Variants in ADCY8 observed in about 807,000 individuals in gnomAD.
ADCY8 encodes adenylate cyclase type 8.
In ADCY8, 51 loss-of-function variants were observed where a neutral mutation model predicts 119.7. The observed-to-expected ratio is 0.43, with a 90% confidence interval of 0.34 to 0.54. The LOEUF is 0.54. ADCY8 is among the 20% of genes least tolerant of loss of function. The pLI, the probability that ADCY8 is intolerant of heterozygous loss-of-function variation, is 0.03. For missense variants in ADCY8, 1,383 were observed against 1,598.8 expected (o/e 0.87, Z 2.30); for synonymous variants, 665 against 651.0 (o/e 1.02, Z -0.33).
rs2917057 is a variant in ADCY8 at position 130,881,679 on chromosome 8, G to A, written c.2109+2885C>T. ...TAAGATATATATTCTTAATAAAAAT[G>A]TTCAATTTTCCTTAAAATGTACACC... On this transcript the variant is annotated intron_variant, in intron 8 of 17. Coordinates refer to ENST00000286355, the MANE Select transcript of ADCY8 (RefSeq NM_001115.3). Among the ~76,000 whole-genome samples, 476 of 152,098 alleles carry A rather than the reference G, an allele frequency of 3.1e-3. 17 individuals carry two copies. In the East Asian group the frequency reaches 0.083, roughly 26 times the overall value.
At chr8:131,019,619 A>G (rs933701066) in intron 1 of ADCY8, among the ~76,000 whole-genome samples, 41 of 152,338 alleles carry the variant, frequency 2.7e-4, no homozygotes, top group Non-Finnish European at 5.6e-4. Context: ...TCCTATTGCC[A>G]TACATACAAG....
chr8:131,001,085 G>GCA (rs948396340), intron 1 of ADCY8, among the ~76,000 whole-genome samples: 1 of 152,134 alleles, frequency 6.6e-6, no homozygotes, highest in African/African-American at 2.4e-5. Context: ...GTGTTCTCAA[G>GCA]CACACCATAA....
intron 9 of ADCY8, among the ~76,000 whole-genome samples, chr8:130,858,607 AG>A (rs542495991): frequency 1.2e-4 from 19 of 152,054 alleles, no homozygotes; most frequent in Non-Finnish European, 2.5e-4. Context: ...CCCTGTACAT[AG>A]TTTACTCTTT....
Position 131,031,109 on chromosome 8 carries a change from T to C in ADCY8, c.960+8265A>G, listed in dbSNP as rs180888406. 8.5e-5 allele frequency among the ~76,000 whole-genome samples: 13 copies of C among 152,112 alleles called. 1 individual carries two copies. The East Asian group carries it at 1.9e-3, about 23-fold the overall frequency. On this transcript the variant is annotated intron_variant, in intron 1 of 17. Transcript: ENST00000286355. Reference sequence around the variant, plus strand: ...AGGAATATATATGTATATATCTCCCTACATAGGATATTCCTATATATCTAT... The same window carrying C: ...AGGAATATATATGTATATATCTCCCCACATAGGATATTCCTATATATCTAT...
chr8:130,798,779 TTGA>T (rs1414996917), intron 15 of ADCY8, among the ~76,000 whole-genome samples: 1 of 152,062 alleles, frequency 6.6e-6, no homozygotes, highest in Non-Finnish European at 1.5e-5. Flanking sequence ...ATTAAGAAAG[TTGA>T]TGAGATGTCT....
intron 8 of ADCY8, among the ~76,000 whole-genome samples, chr8:130,874,410 T>G (rs1818485095): frequency 6.6e-6 from 1 of 152,100 alleles, no homozygotes; most frequent in South Asian, 2.1e-4. Flanking sequence ...TTTCAGTAAT[T>G]TTTGAATTTC....
At chr8:130,924,407 G>A (rs1820401104) in intron 5 of ADCY8, among the ~76,000 whole-genome samples, 1 of 152,192 alleles carries the variant, frequency 6.6e-6, no homozygotes, top group Non-Finnish European at 1.5e-5. Flanking sequence ...TAAGGGGACT[G>A]ACGCCCTTTG....
intron 2 of ADCY8, among the ~76,000 whole-genome samples, chr8:130,984,078 G>A (rs1822320744): frequency 6.6e-6 from 1 of 152,188 alleles, no homozygotes; most frequent in African/African-American, 2.4e-5. Context: ...CCTATCAGGG[G>A]TAGGGGACAG....
At chr8:131,002,046 AAC>A (rs1822967260) in intron 1 of ADCY8, among the ~76,000 whole-genome samples, 2 of 152,228 alleles carry the variant, frequency 1.3e-5, no homozygotes, top group Non-Finnish European at 2.9e-5. Context: ...CATAGAGCTT[AAC>A]AGTTTAGCTT....
At position 130,869,921 on chromosome 8, in the gene ADCY8, T is replaced by TTCCTCC. The variant is rs142256411; in HGVS notation, c.2110-1981_2110-1976dup. 1.5e-4 allele frequency among the ~76,000 whole-genome samples: 22 copies of TTCCTCC among 147,424 alleles called. No homozygotes were observed. The South Asian group carries it at 2.4e-3, about 16-fold the overall frequency. ...AGTGTAGTTAATCAGTACACTAAAA[T>TTCCTCC]TCCTCCTCCTCCTCCTCCTCTTCTT... is the stretch of plus-strand genomic sequence containing the variant. On this transcript the variant is annotated intron_variant, in intron 8 of 17. Coordinates refer to ENST00000286355, the MANE Select transcript of ADCY8 (RefSeq NM_001115.3).
intron 5 of ADCY8, among the ~76,000 whole-genome samples, chr8:130,931,380 C>T (rs917647218): frequency 6.6e-6 from 1 of 152,052 alleles, no homozygotes; most frequent in Non-Finnish European, 1.5e-5. Context: ...TTCTTTTTGT[C>T]TTTGATTTTA....
intron 1 of ADCY8, among the ~76,000 whole-genome samples, chr8:130,994,255 C>T (rs978561441): frequency 8.5e-5 from 13 of 152,366 alleles, no homozygotes; most frequent in African/African-American, 2.6e-4. Flanking sequence ...GTGGGCTTTA[C>T]ATCTTCAACA....
intron 1 of ADCY8, among the ~76,000 whole-genome samples, chr8:130,996,142 G>A (rs1822765476): frequency 6.6e-6 from 1 of 151,908 alleles, no homozygotes; most frequent in South Asian, 2.1e-4. Context: ...ATGCATGAGA[G>A]CTAGAAAAGA....
At chr8:131,015,141 T>A (rs1056398814) in intron 1 of ADCY8, among the ~76,000 whole-genome samples, 1 of 152,170 alleles carries the variant, frequency 6.6e-6, no homozygotes, top group African/African-American at 2.4e-5. Flanking sequence ...TTCAATTTGG[T>A]GAGAGCAGGA....
At chr8:130,984,322 T>C (rs1409276568) in intron 2 of ADCY8, among the ~76,000 whole-genome samples, 1 of 152,122 alleles carries the variant, frequency 6.6e-6, no homozygotes, top group Non-Finnish European at 1.5e-5. Context: ...AGAATGTATA[T>C]ACAATGACTT....
At position 130,780,376 on chromosome 8, in the gene ADCY8, G is replaced by C; in HGVS notation, c.*14C>G. The C allele has an allele frequency of 8.0e-7, 1 of 1,247,210 alleles. No individual in the cohort carries two copies. The highest frequency in any genetic ancestry group is 1.0e-6 in the Non-Finnish European group (1 of 960,204). 77.3% of individuals were successfully genotyped at this position (1,247,210 alleles called of 1,614,324 possible). A position where few individuals can be genotyped will look rare whatever the true frequency, so the allele number is the denominator to read the frequency against. On this transcript the variant is annotated 3_prime_UTR_variant, in exon 18 of 18. Coordinates refer to ENST00000286355, the MANE Select transcript of ADCY8 (RefSeq NM_001115.3). Reference sequence around the variant, plus strand: ...AAAAGAAATACAAAAAAAAAAAACAGAAAGAAAATGCTTTTATGGCAAATC... The same window carrying C: ...AAAAGAAATACAAAAAAAAAAAACACAAAGAAAATGCTTTTATGGCAAATC...
chr8:130,872,994 A>G (rs1818421770), intron 8 of ADCY8, among the ~76,000 whole-genome samples: 1 of 152,244 alleles, frequency 6.6e-6, no homozygotes, highest in African/African-American at 2.4e-5. Context: ...GGGTTTTTAG[A>G]TCCACCACAA....
At chr8:130,941,633 T>A (rs543185481) in intron 4 of ADCY8, among the ~76,000 whole-genome samples, 2 of 152,098 alleles carry the variant, frequency 1.3e-5, no homozygotes, top group African/African-American at 2.4e-5. Flanking sequence ...ATTAGGAGGA[T>A]CCCTCAGTTT....
In ADCY8 at chr8:130,785,472, G is replaced by A. The variant is rs1441744432; in HGVS notation, c.3064C>T (p.Leu1022Phe). 12 of 1,607,496 alleles carry A rather than the reference G, an allele frequency of 7.5e-6. No homozygotes were observed. Among genetic ancestry groups the A allele is most frequent in the Non-Finnish European group, 9.3e-6 (11 of 1,176,580 alleles). ...ATGTCTTGAAATCGGTCTTCACCAA[G>A]CAACTGAAAGAGAGCCAGGCAATGG... ...NEIIADFDEL[L>F]GEDRFQDIEK... Residue 1022 changes from leucine (L) to phenylalanine (F), a missense_variant, in exon 16 of 18, where the codon CTT becomes TTT. This residue lies in a region of ADCY8 where 928 missense variants were observed against 1,163.5 expected (regional missense o/e 0.80). Coordinates refer to ENST00000286355, the MANE Select transcript of ADCY8 (RefSeq NM_001115.3).
Sources: allele counts gnomAD v4.1 joint callset (sites outside exome capture counted in the v4.1 genomes callset), GRCh38; gene constraint gnomAD v4.1.1; regional missense constraint gnomAD v4.1.1; transcripts MANE v1.5; gene names NCBI Gene and HGNC (gene_info 2026-07-23, HGNC 2026-07-21).